The following ZNF778 variants were observed in gnomAD, a reference collection of about 807,000 sequenced individuals.
ZNF778 encodes zinc finger protein 778.
In ZNF778, 37 loss-of-function variants were observed where a neutral mutation model predicts 23.9. That is an observed-to-expected ratio of 1.54 (90% CI 1.19 to 2.03). The LOEUF is 2.03. Ranked by LOEUF, ZNF778 falls within the 30% of genes most tolerant of loss-of-function variation. The pLI is 0.00. For missense variants in ZNF778, 1,297 were observed against 934.4 expected (o/e 1.39, Z -5.06); for synonymous variants, 483 against 343.9 (o/e 1.40, Z -4.48).
At chr16:89,221,295 C>T in intron 2 of ZNF778, 143 bp downstream of exon 2, 4 of 940,738 alleles carry the variant, frequency 4.3e-6, no homozygotes, top group Non-Finnish European at 6.4e-6. Flanking sequence ...GAATGCTGAC[C>T]TGTAAGTCAG....
In ZNF778 at chr16:89,221,991, G is replaced by C. The variant is rs146691295; in HGVS notation, c.26-101G>C. 195 of 745,318 alleles carry C rather than the reference G, an allele frequency of 2.6e-4. 1 individual carries two copies. The East Asian group carries it at 4.6e-3, about 18-fold the overall frequency. The allele number at this position is 745,318 out of a possible 1,614,324, so 46.2% of individuals were successfully genotyped here. Reference sequence around the variant, plus strand: ...CGTTTTCCTGAGTGTGCAGGAGTACGTGATAATTTCCTGCTAGGATGGAAT... The same window carrying C: ...CGTTTTCCTGAGTGTGCAGGAGTACCTGATAATTTCCTGCTAGGATGGAAT... On this transcript the variant is annotated intron_variant, in intron 2 of 6. Transcript: ENST00000433976.
intron 4 of ZNF778, among the ~76,000 whole-genome samples, chr16:89,223,851 G>A (rs2031199272): frequency 1.4e-5 from 2 of 147,222 alleles, no homozygotes; most frequent in Non-Finnish European, 3.0e-5. Context: ...TCCAGCCTGG[G>A]TGACAGAGCG....
In ZNF778 at chr16:89,227,174, C is replaced by G. The variant is rs759127338; in HGVS notation, c.886C>G (p.Leu296Val). The G allele has an allele frequency of 1.2e-6, 2 of 1,614,022 alleles. No individual in the cohort carries two copies. The highest frequency in any genetic ancestry group is 1.7e-5 in the Admixed American group (1 of 60,022). ...GAAGGCCTTTAGGTACACTGCCTAC[C>G]TTACTGGTCGCGTGCAAGTCCACCC... ...CGKAFRYTAY[L>V]TGRVQVHPGE... The change falls in exon 7 of 7, where the codon CTT becomes GTT. Residue 296 changes from leucine (L) to valine (V), a missense_variant. Leu to Val is a conservative substitution (Grantham distance 32). Transcript: ENST00000433976.
intron 1 of ZNF778, chr16:89,218,189 A>G (rs1306835334): frequency 6.6e-6 from 1 of 152,204 alleles, no homozygotes; most frequent in African/African-American, 2.4e-5. Flanking sequence ...AATCGAATCC[A>G]CGGTGAACAG....
At position 89,230,454 on chromosome 16, in the gene ZNF778, GATGAGGCAGCTGCTGTGATCCGGCATTC is replaced by G. The variant is rs2031860583; in HGVS notation, c.*1896_*1923del. The G allele has an allele frequency of 6.6e-6, 1 of 151,930 alleles. No individual in the cohort carries two copies. Among genetic ancestry groups the G allele is most frequent in the Admixed American group, 6.6e-5 (1 of 15,248 alleles). The allele number at this position is 151,930 out of a possible 1,614,324, so 9.4% of individuals were successfully genotyped here. A position where few individuals can be genotyped will look rare whatever the true frequency, so the allele number is the denominator to read the frequency against. ...GGGGCAGCTGCTGCGATCCGGCACT[GATGAGGCAGCTGCTGTGATCCGGCATTC>G]ATGGGGCAGCTGCTGCGACCCGGCA... On this transcript the variant is annotated 3_prime_UTR_variant, in exon 7 of 7. Coordinates refer to ENST00000433976, the MANE Select transcript of ZNF778 (RefSeq NM_001201407.2).
rs2151636446 is a variant in ZNF778, at chr16:89,227,907, A to T, written c.1619A>T (p.Lys540Ile). 6.2e-7 allele frequency: 1 copy of T among 1,614,216 alleles called. No individual in the cohort carries two copies. The highest frequency in any genetic ancestry group is 8.5e-7 in the Non-Finnish European group (1 of 1,180,030). Residue 540 changes from lysine (K) to isoleucine (I), a missense_variant, in exon 7 of 7, where the codon AAA (lysine) becomes ATA (isoleucine). Lys to Ile is a moderately radical substitution (Grantham distance 102, BLOSUM62 -3). Transcript: ENST00000433976. ...CCCTATGAATGTAAGGACTGTGGGA[A>T]AGCCTACAATAGGGTTTATCTACTG... is the stretch of plus-strand genomic sequence containing the variant. The part of the protein sequence containing the change: ...EKPYECKDCG[K>I]AYNRVYLLNE...
chr16:89,234,001 C>G lies in ZNF778; in HGVS notation c.*5439C>G, dbSNP rs1440773642. 8.4e-7 allele frequency: 1 copy of G among 1,194,240 alleles called. No homozygotes were observed. The highest frequency in any genetic ancestry group is 1.6e-5 in the African/African-American group (1 of 64,050). 74.0% of individuals were successfully genotyped at this position (1,194,240 alleles called of 1,614,324 possible). A position where few individuals can be genotyped will look rare whatever the true frequency, so the allele number is the denominator to read the frequency against. ...CAGACTTCATCCTGCCCTGTCCTGC[C>G]TTTCCTGTGAAAACCCTGTGGCCTC... On this transcript the variant is annotated 3_prime_UTR_variant, in exon 7 of 7. Coordinates refer to ENST00000433976, the MANE Select transcript of ZNF778 (RefSeq NM_001201407.2).
At chr16:89,224,841 G>C in intron 5 of ZNF778, 39 bp downstream of exon 5, 1 of 1,401,290 alleles carries the variant, frequency 7.1e-7, no homozygotes. Flanking sequence ...GTCAAGTTTA[G>C]CAGCTGTGGG....
Position 89,234,039 on chromosome 16 carries a change from C to G in ZNF778, c.*5477C>G. The G allele has an allele frequency of 1.1e-6, 1 of 936,416 alleles. No homozygotes were observed. The highest frequency in any genetic ancestry group is 6.1e-5 in the East Asian group (1 of 16,390). 58.0% of individuals were successfully genotyped at this position (936,416 alleles called of 1,614,324 possible). On this transcript the variant is annotated 3_prime_UTR_variant, in exon 7 of 7. Transcript: ENST00000433976. ...ACCCTGTGGCCTCTGCCTCCCCTGG[C>G]TCTGACTTCTGCCTCCTGCCCAGCT... is the stretch of plus-strand genomic sequence containing the variant.
Position 89,225,648 on chromosome 16 carries a change from A to C in ZNF778, c.405+17A>C. ...ACACAGACGGTAAGATTAACAAGAGAGATTTTTTTATTTATCACACTCATA... is the reference window on the plus strand; with the variant it reads ...ACACAGACGGTAAGATTAACAAGAGCGATTTTTTTATTTATCACACTCATA... On this transcript the variant is annotated intron_variant, in intron 6 of 6. Transcript: ENST00000433976. 1 of 1,602,002 alleles carries C rather than the reference A, an allele frequency of 6.2e-7. No homozygotes were observed. Among genetic ancestry groups the C allele is most frequent in the Non-Finnish European group, 8.5e-7 (1 of 1,171,926 alleles).
In ZNF778 at chr16:89,227,823, A is replaced by G. The variant is rs752509135; in HGVS notation, c.1535A>G (p.Lys512Arg). 5 of 1,614,118 alleles carry G rather than the reference A, an allele frequency of 3.1e-6. No individual in the cohort carries two copies. The highest frequency in any genetic ancestry group is 4.2e-6 in the Non-Finnish European group (5 of 1,180,000). ...EKPYECKQCG[K>R]AFTGRSGLTK... ...CCCTACGAATGTAAGCAGTGTGGCA[A>G]AGCCTTCACAGGGCGCTCAGGCCTC... The change falls in exon 7 of 7, where the codon AAA (lysine) becomes AGA (arginine). Residue 512 changes from lysine (K) to arginine (R), a missense_variant. Lys to Arg is a conservative substitution (Grantham distance 26). Coordinates refer to ENST00000433976, the MANE Select transcript of ZNF778 (RefSeq NM_001201407.2).
chr16:89,222,032 G>A, intron 2 of ZNF778, 60 bp from the exon 3 acceptor site: 1 of 1,250,052 alleles, frequency 8.0e-7, no homozygotes, highest in Middle Eastern at 1.9e-4. Context: ...CCGGGTCCAT[G>A]AGTGTGGAAT....
At position 89,217,820 on chromosome 16, in the gene ZNF778, C is replaced by T. The variant is rs1597338259; in HGVS notation, c.-222C>T. The T allele has an allele frequency of 6.6e-6, 1 of 152,420 alleles. No individual in the cohort carries two copies. The highest frequency in any genetic ancestry group is 1.5e-5 in the Non-Finnish European group (1 of 68,092). The allele number at this position is 152,420 out of a possible 1,614,324, so 9.4% of individuals were successfully genotyped here. ...CGGGAGTGGGCGCCCGCCCGCCTGCCTCGCGCCTTGCGCCCCCGGCACCGC... is the reference window on the plus strand; with the variant it reads ...CGGGAGTGGGCGCCCGCCCGCCTGCTTCGCGCCTTGCGCCCCCGGCACCGC... On this transcript the variant is annotated 5_prime_UTR_variant, in exon 1 of 7. Coordinates refer to ENST00000433976, the MANE Select transcript of ZNF778 (RefSeq NM_001201407.2).
chr16:89,227,539 A>G lies in ZNF778; in HGVS notation c.1251A>G (p.Gly417=), dbSNP rs903176123. Residue 417 remains glycine (G), a synonymous_variant, in exon 7 of 7, where the codon GGA becomes GGG. Coordinates refer to ENST00000433976, the MANE Select transcript of ZNF778 (RefSeq NM_001201407.2). ...CLNNHVRIHT[G]IKPYTCSYCG... ...ATAATCATGTTCGAATTCACACTGG[A>G]ATAAAACCCTATACATGCAGCTACT... 10 of 1,614,094 alleles carry G rather than the reference A, an allele frequency of 6.2e-6. No individual in the cohort carries two copies. Among genetic ancestry groups the G allele is most frequent in the Non-Finnish European group, 8.5e-6 (10 of 1,180,016 alleles).
chr16:89,221,611 G>A (rs1483957833), intron 2 of ZNF778, among the ~76,000 whole-genome samples: 4 of 89,714 alleles, frequency 4.5e-5, no homozygotes, highest in Admixed American at 2.5e-4. Flanking sequence ...GTGTGTGTGT[G>A]TATTTTCCTG....
rs2031752284 is a variant in ZNF778, at chr16:89,229,015, G to C, written c.*453G>C. On this transcript the variant is annotated 3_prime_UTR_variant, in exon 7 of 7. Coordinates refer to ENST00000433976, the MANE Select transcript of ZNF778 (RefSeq NM_001201407.2). Reference sequence around the variant, plus strand: ...TCGCTTCCCTGTGTTCTAAAACCTTGTGGGCTAACTTGAGACATGTCTTTC... The same window carrying C: ...TCGCTTCCCTGTGTTCTAAAACCTTCTGGGCTAACTTGAGACATGTCTTTC... 1 of 992,336 alleles carries C rather than the reference G, an allele frequency of 1.0e-6. No individual in the cohort carries two copies. The highest frequency in any genetic ancestry group is 1.2e-6 in the Non-Finnish European group (1 of 834,588). 61.5% of individuals were successfully genotyped at this position (992,336 alleles called of 1,614,324 possible). A position where few individuals can be genotyped will look rare whatever the true frequency, so the allele number is the denominator to read the frequency against.
chr16:89,224,709 C>A lies in ZNF778; in HGVS notation c.245-10C>A. On this transcript the variant is annotated splice_polypyrimidine_tract_variant and intron_variant, in intron 4 of 6. Transcript: ENST00000433976. ...GCCTCTTCCATCGATGTCTCTTTCC[C>A]TGTGTACAGGACATCACCTGTTCCA... 1 of 1,533,692 alleles carries A rather than the reference C, an allele frequency of 6.5e-7. No individual in the cohort carries two copies. The highest frequency in any genetic ancestry group is 8.7e-7 in the Non-Finnish European group (1 of 1,144,876).
At chr16:89,222,366 G>T (rs913575348) in intron 3 of ZNF778, among the ~76,000 whole-genome samples, 183 bp downstream of exon 3, 1 of 151,986 alleles carries the variant, frequency 6.6e-6, no homozygotes, top group Admixed American at 6.5e-5. Flanking sequence ...GTATTTCAGT[G>T]TTACTTTTTT....
Position 89,235,364 on chromosome 16 carries a change from T to G in ZNF778, c.*6802T>G, listed in dbSNP as rs538201193. On this transcript the variant is annotated 3_prime_UTR_variant, in exon 7 of 7. Transcript: ENST00000433976. ...TTTTTCCCATTCGCTTGCCCTGGCC[T>G]CCAGGCAGTCCTGCAGCAGCAAACA... is the stretch of plus-strand genomic sequence containing the variant. 1 of 152,314 alleles carries G rather than the reference T, an allele frequency of 6.6e-6. No homozygotes were observed. Among genetic ancestry groups the G allele is most frequent in the South Asian group, 2.1e-4 (1 of 4,824 alleles). The allele number at this position is 152,314 out of a possible 1,614,324, so 9.4% of individuals were successfully genotyped here.
Sources: allele counts gnomAD v4.1 joint callset (sites outside exome capture counted in the v4.1 genomes callset), GRCh38; gene constraint gnomAD v4.1.1; transcripts MANE v1.5; gene names NCBI Gene and HGNC (gene_info 2026-07-23, HGNC 2026-07-21).